Variants in SLC25A23 observed in about 807,000 individuals in gnomAD.
SLC25A23 encodes solute carrier family 25 member 23.
In SLC25A23, 32 loss-of-function variants were observed where a neutral mutation model predicts 53.9. The observed-to-expected ratio is 0.59, with a 90% CI of 0.45 to 0.80. SLC25A23 has a LOEUF of 0.80. SLC25A23 is among the 30% of genes least tolerant of loss of function. The pLI is 0.00. For missense variants in SLC25A23, 575 were observed against 651.4 expected (o/e 0.88, Z 1.28); for synonymous variants, 275 against 264.5 (o/e 1.04, Z -0.38).
At position 6,452,426 on chromosome 19, in the gene SLC25A23, C is replaced by T; in HGVS notation, c.957G>A (p.Leu319=). The change falls in exon 8 of 10, where the codon CTG becomes CTA. Residue 319 remains leucine, a synonymous_variant. Transcript: ENST00000301454. ...TCTCCAGGATACGCCTGGCGCAGTCCAGCAGCCCCTTATACTGGCCCGTCC... is the reference window on the plus strand; with the variant it reads ...TCTCCAGGATACGCCTGGCGCAGTCTAGCAGCCCCTTATACTGGCCCGTCC... ...LRRTGQYKGL[L]DCARRILERE... 6.2e-7 allele frequency: 1 copy of T among 1,613,944 alleles called. No individual in the cohort carries two copies. The highest frequency in any genetic ancestry group is 8.5e-7 in the Non-Finnish European group (1 of 1,179,978).
chr19:6,451,141 C>T (rs1384499007), intron 8 of SLC25A23, among the ~76,000 whole-genome samples: 3 of 150,238 alleles, frequency 2.0e-5, no homozygotes, highest in African/African-American at 4.9e-5. Flanking sequence ...TGTAATCCAG[C>T]ACTTTGGGAG....
At position 6,444,187 on chromosome 19, in the gene SLC25A23, G is replaced by A; in HGVS notation, c.1186C>T (p.Pro396Ser). ...ATGCGGGTCCGGACCAGGGCCAGCGGGTAACTGGCTATCTGGCCGCAGGTG... is the reference window on the plus strand; with the variant it reads ...ATGCGGGTCCGGACCAGGGCCAGCGAGTAACTGGCTATCTGGCCGCAGGTG... Reference protein sequence around the residue: ...SSTCGQIASYPLALVRTRMQA... With the variant: ...SSTCGQIASYSLALVRTRMQA... Residue 396 changes from proline (P) to serine (S), a missense_variant, in exon 9 of 10, where the codon CCG (proline) becomes TCG (serine). Physicochemically the swap from Pro to Ser is moderately conservative, Grantham distance 74. Coordinates refer to ENST00000301454, the MANE Select transcript of SLC25A23 (RefSeq NM_024103.3). The A allele has an allele frequency of 6.3e-7, 1 of 1,598,802 alleles. No individual in the cohort carries two copies. Among genetic ancestry groups the A allele is most frequent in the Non-Finnish European group, 8.5e-7 (1 of 1,172,984 alleles).
At position 6,441,434 on chromosome 19, in the gene SLC25A23, G is replaced by A. The variant is rs1452936419; in HGVS notation, c.*541C>T. 1 of 158,056 alleles carries A rather than the reference G, an allele frequency of 6.3e-6. No individual in the cohort carries two copies. The highest frequency in any genetic ancestry group is 1.9e-4 in the East Asian group (1 of 5,256). The allele number at this position is 158,056 out of a possible 1,614,324, so 9.8% of individuals were successfully genotyped here. A position where few individuals can be genotyped will look rare whatever the true frequency, so the allele number is the denominator to read the frequency against. On this transcript the variant is annotated 3_prime_UTR_variant, in exon 10 of 10. Transcript: ENST00000301454. ...GCGTTTCACTAGGACACTGGATCTG[G>A]TGCCTGAGGGAGGCAGGGTCTGGGT...
intron 1 of SLC25A23, among the ~76,000 whole-genome samples, chr19:6,458,947 G>C (rs949901273): frequency 6.6e-6 from 1 of 152,226 alleles, no homozygotes; most frequent in Admixed American, 6.5e-5. Flanking sequence ...TCTTGTTATA[G>C]GTGCATTCCC....
chr19:6,442,999 CACGA>C (rs1188171908), intron 9 of SLC25A23, among the ~76,000 whole-genome samples: 1 of 145,666 alleles, frequency 6.9e-6, no homozygotes, highest in Non-Finnish European at 1.5e-5. Flanking sequence ...AGTGCGATGG[CACGA>C]ACTTGGCTTA....
Position 6,442,111 on chromosome 19 carries a change from T to C in SLC25A23, c.1271A>G (p.His424Arg). 6.2e-7 allele frequency: 1 copy of C among 1,602,208 alleles called. No individual in the cohort carries two copies. Among genetic ancestry groups the C allele is most frequent in the African/African-American group, 1.4e-5 (1 of 72,360 alleles). Residue 424 changes from histidine (H) to arginine (R), a missense_variant, in exon 10 of 10, where the codon CAC becomes CGC. His to Arg is a conservative substitution (Grantham distance 29). Transcript: ENST00000301454. ...CCGCATGCCCTCCTGGGACAGGATG[T>C]GACGTAGCAGACCCAGCATGGACAG... ...PQLSMLGLLR[H>R]ILSQEGMRGL...
intron 8 of SLC25A23, among the ~76,000 whole-genome samples, chr19:6,448,684 T>C (rs990309776): frequency 5.9e-5 from 9 of 151,464 alleles, no homozygotes; most frequent in African/African-American, 1.7e-4. Context: ...TTGGCCAGGA[T>C]GGTCTTGATC....
Position 6,459,326 on chromosome 19 carries a change from A to T in SLC25A23, c.156+147T>A. 1 of 643,446 alleles carries T rather than the reference A, an allele frequency of 1.6e-6. No homozygotes were observed. Among genetic ancestry groups the T allele is most frequent in the Non-Finnish European group, 2.4e-6 (1 of 417,616 alleles). The allele number at this position is 643,446 out of a possible 1,614,324, so 39.9% of individuals were successfully genotyped here. On this transcript the variant is annotated intron_variant, in intron 1 of 9. Transcript: ENST00000301454. This position sits in a 1 kb window ranked among gnomAD's most constrained non-coding sequence, Gnocchi z 4.6. The stretch of plus-strand genomic sequence containing the variant: ...GAGCGATCCCGTTAGGCCAAACACG[A>T]GTGGGTAGGGGGAACGAGACAGAGA...
chr19:6,443,223 G>A (rs1490077040), intron 9 of SLC25A23, among the ~76,000 whole-genome samples: 3 of 152,000 alleles, frequency 2.0e-5, no homozygotes, highest in Admixed American at 6.6e-5. Context: ...GCAGGCGTGA[G>A]CCACTACCCC....
downstream of SLC25A23, among the ~76,000 whole-genome samples, chr19:6,437,536 G>A (rs1405926223): frequency 6.6e-6 from 1 of 152,172 alleles, no homozygotes; most frequent in East Asian, 1.9e-4. Context: ...TCGGCCAGGC[G>A]CAGTGGCTCA....
chr19:6,441,958 G>C lies in SLC25A23; in HGVS notation c.*17C>G. On this transcript the variant is annotated 3_prime_UTR_variant, in exon 10 of 10. Transcript: ENST00000301454. The stretch of plus-strand genomic sequence containing the variant: ...GGTGTGGGGGGTGAGGGATTGGGGG[G>C]ACGGGCTCCGGGTCCCTCACCTGGA... 4.3e-6 allele frequency: 7 copies of C among 1,611,322 alleles called. No homozygotes were observed. Among genetic ancestry groups the C allele is most frequent in the Non-Finnish European group, 5.9e-6 (7 of 1,178,680 alleles).
In SLC25A23 at chr19:6,458,182, G is replaced by C. The variant is rs533570897; in HGVS notation, c.283+16C>G. The C allele has an allele frequency of 6.2e-7, 1 of 1,612,260 alleles. No homozygotes were observed. Among genetic ancestry groups the C allele is most frequent in the African/African-American group, 1.3e-5 (1 of 75,024 alleles). On this transcript the variant is annotated intron_variant, in intron 2 of 9. Coordinates refer to ENST00000301454, the MANE Select transcript of SLC25A23 (RefSeq NM_024103.3). Reference sequence around the variant, plus strand: ...CCCTATCCCTTGGGGCCTGCAGGCAGGTCGCCCGACCTTACCATCCTGGTT... The same window carrying C: ...CCCTATCCCTTGGGGCCTGCAGGCACGTCGCCCGACCTTACCATCCTGGTT...
chr19:6,443,571 G>A, intron 9 of SLC25A23: 2 of 702,584 alleles, frequency 2.8e-6, no homozygotes, highest in Non-Finnish European at 5.2e-6. Context: ...CTTAATTCCA[G>A]AATGATTTAT....
In SLC25A23 at chr19:6,452,455, G is replaced by A. The variant is rs4807869; in HGVS notation, c.928C>T (p.Arg310Cys). The A allele has an allele frequency of 1.4e-5, 22 of 1,608,396 alleles. No homozygotes were observed. The highest frequency in any genetic ancestry group is 5.0e-5 in the Admixed American group (3 of 59,634). Residue 310 changes from arginine to cysteine, a missense_variant, in exon 8 of 10, where the codon CGC (arginine) becomes TGC (cysteine). Arg to Cys is a radical substitution (Grantham distance 180). Transcript: ENST00000301454. ...MEVLKTRLTL[R>C]RTGQYKGLLD... Reference sequence around the variant, plus strand: ...AGCCCCTTATACTGGCCCGTCCGGCGCAAGGTCAGCCGCGTCTTCAGCACC... The same window carrying A: ...AGCCCCTTATACTGGCCCGTCCGGCACAAGGTCAGCCGCGTCTTCAGCACC...
At chr19:6,445,002 T>C (rs1006742447) in intron 8 of SLC25A23, among the ~76,000 whole-genome samples, 1 of 152,026 alleles carries the variant, frequency 6.6e-6, no homozygotes, top group Non-Finnish European at 1.5e-5. Context: ...GGAGTGTCAC[T>C]ATGTTGCTCA....
downstream of SLC25A23, chr19:6,436,549 C>CT (rs1249190211): frequency 0.14 from 48,886 of 339,718 alleles, 1,530 homozygotes; most frequent in African/African-American, 0.28. Flanking sequence ...GCGACAGTGT[C>CT]TTTTTTTTTT....
rs1454809745 is a variant in SLC25A23 at position 6,459,644 on chromosome 19, G to A, written c.-16C>T. 2.2e-6 allele frequency: 3 copies of A among 1,394,798 alleles called. No individual in the cohort carries two copies. The highest frequency in any genetic ancestry group is 2.8e-6 in the Non-Finnish European group (3 of 1,080,444). The allele number at this position is 1,394,798 out of a possible 1,614,324, so 86.4% of individuals were successfully genotyped here. On this transcript the variant is annotated 5_prime_UTR_variant, in exon 1 of 10. Transcript: ENST00000301454. The surrounding 1 kb of genome is among the most constrained non-coding windows in gnomAD (Gnocchi z 4.6). ...TCCCCCGCATGGCGCCCGCCCGGGG[G>A]GGAGGGGAGGCCCGGCAGCGGCGGC...
chr19:6,443,375 C>T (rs1313459195), intron 9 of SLC25A23, among the ~76,000 whole-genome samples: 2 of 152,124 alleles, frequency 1.3e-5, no homozygotes, highest in Non-Finnish European at 1.5e-5. Flanking sequence ...GCACCTGCCA[C>T]CACGCCTGGC....
intron 2 of SLC25A23, among the ~76,000 whole-genome samples, chr19:6,457,936 T>A (rs1187039809): frequency 6.6e-6 from 1 of 152,064 alleles, no homozygotes; most frequent in Non-Finnish European, 1.5e-5. Flanking sequence ...AGGAACAGCA[T>A]AGGGTATCTT....
Sources: gnomAD v4.1 joint callset for allele counts (sites outside exome capture counted in the v4.1 genomes callset) on GRCh38, gnomAD v4.1.1 for gene constraint, Gnocchi (gnomAD v3.1) non-coding constraint, MANE v1.5 for transcripts, NCBI Gene and HGNC (gene_info 2026-07-23, HGNC 2026-07-21) for gene names.